The following EIF3B variants were observed in gnomAD, a reference collection of about 807,000 sequenced individuals.
EIF3B encodes eukaryotic translation initiation factor 3 subunit 9.
In EIF3B, 10 loss-of-function variants were observed where a neutral mutation model predicts 104.6. The observed-to-expected ratio is 0.10, with a 90% CI of 0.06 to 0.16. EIF3B has a LOEUF of 0.16. Among genes scored for constraint, EIF3B ranks in the 10% least tolerant of loss-of-function variants. The pLI is 1.00. For synonymous variants in EIF3B, 542 were observed against 417.2 expected (o/e 1.30, Z -3.65); for missense variants, 1,014 against 1,087.9 (o/e 0.93, Z 0.96).
intron 13 of EIF3B, chr7:2,374,911 C>A (rs1387579355): frequency 3.0e-6 from 1 of 336,340 alleles, no homozygotes; most frequent in East Asian, 4.9e-5. Flanking sequence ...CCAGTAACCT[C>A]CCCCCGGGGG....
chr7:2,378,414 T>C, intron 15 of EIF3B: 1 of 309,092 alleles, frequency 3.2e-6, no homozygotes, highest in East Asian at 6.6e-5. Flanking sequence ...ACCCTGGGTG[T>C]CATGGAGGAA....
rs1311977735 is a variant in EIF3B at position 2,364,449 on chromosome 7, A to T, written c.1077A>T (p.Leu359=). 6 of 1,613,348 alleles carry T rather than the reference A, an allele frequency of 3.7e-6. No individual in the cohort carries two copies. Among genetic ancestry groups the T allele is most frequent in the Non-Finnish European group, 5.1e-6 (6 of 1,179,672 alleles). The part of the protein sequence containing the change: ...LATFHQRGIA[L]WGGEKFKQIQ... ...CCTTTCATCAAAGAGGCATTGCTCT[A>T]TGGGGGGGAGAGAAATTCAAGCAAA... Residue 359 remains leucine (L), a synonymous_variant, in exon 6 of 19, where the codon CTA becomes CTT. Coordinates refer to ENST00000360876, the MANE Select transcript of EIF3B (RefSeq NM_001037283.2).
chr7:2,375,124 A>G, intron 13 of EIF3B: 1 of 494,742 alleles, frequency 2.0e-6, no homozygotes, highest in East Asian at 3.3e-5. Flanking sequence ...CACACTTGCT[A>G]CTGTATTTTT....
intron 1 of EIF3B, among the ~76,000 whole-genome samples, chr7:2,357,588 T>A (rs1250010946): frequency 6.6e-6 from 1 of 152,264 alleles, no homozygotes; most frequent in Non-Finnish European, 1.5e-5. Context: ...ATGTTTCAGC[T>A]GATCCAGGAT....
chr7:2,362,594 C>T (rs555746352), intron 2 of EIF3B, 51 bp from the exon 3 acceptor site: 2 of 1,609,950 alleles, frequency 1.2e-6, no homozygotes, highest in East Asian at 4.5e-5. Flanking sequence ...ACAGCGCATA[C>T]CTGCCTAGCC....
chr7:2,380,162 T>C, intron 18 of EIF3B, 42 bp from the exon 19 acceptor site: 1 of 338,846 alleles, frequency 3.0e-6, no homozygotes, highest in Non-Finnish European at 5.9e-6. Flanking sequence ...CCTCAGCCTT[T>C]TGAGGTGGTG....
At position 2,379,176 on chromosome 7, in the gene EIF3B, A is replaced by G; in HGVS notation, c.2275A>G (p.Lys759Glu). The G allele has an allele frequency of 6.2e-7, 1 of 1,613,988 alleles. No homozygotes were observed. The highest frequency in any genetic ancestry group is 8.5e-7 in the Non-Finnish European group (1 of 1,179,990). The change falls in exon 17 of 19, where the codon AAG (lysine) becomes GAG (glutamate). Residue 759 changes from lysine (K) to glutamate (E), a missense_variant. Coordinates refer to ENST00000360876, the MANE Select transcript of EIF3B (RefSeq NM_001037283.2). ...GCGCACCATGATGGAAGATTTCCGG[A>G]AGTACCGGAAAATGGCCCAGGAGCT... ...RRRTMMEDFR[K>E]YRKMAQELYM...
At chr7:2,374,436 G>A (rs1199018975) in intron 12 of EIF3B, 92 bp from the exon 13 acceptor site, 16 of 1,245,106 alleles carry the variant, frequency 1.3e-5, no homozygotes, top group Non-Finnish European at 9.3e-6. Context: ...GCCCTCATGG[G>A]CAGCATGAGC....
At chr7:2,367,254 G>C (rs575003564) in intron 9 of EIF3B, 1 of 522,800 alleles carries the variant, frequency 1.9e-6, no homozygotes. Context: ...ACAGCCCCTC[G>C]GTCCAGCCTT....
intron 16 of EIF3B, 35 bp downstream of exon 16, chr7:2,378,801 G>A: frequency 6.3e-7 from 1 of 1,579,656 alleles, no homozygotes; most frequent in East Asian, 2.2e-5. Flanking sequence ...GCTGTGCTGT[G>A]ACATCCGCCA....
At chr7:2,379,311 A>T in intron 17 of EIF3B, 69 bp downstream of exon 17, 2 of 1,552,452 alleles carry the variant, frequency 1.3e-6, no homozygotes, top group South Asian at 2.3e-5. Flanking sequence ...GTGCCCGCGG[A>T]CTCCTGCGTT....
At chr7:2,360,276 C>G (rs1401192539) in intron 1 of EIF3B, among the ~76,000 whole-genome samples, 1 of 152,172 alleles carries the variant, frequency 6.6e-6, no homozygotes, top group African/African-American at 2.4e-5. Context: ...TTGCTAAAAT[C>G]TTCTGTAAAA....
At chr7:2,356,304 A>G (rs1779433181) in intron 1 of EIF3B, among the ~76,000 whole-genome samples, 1 of 152,186 alleles carries the variant, frequency 6.6e-6, no homozygotes, top group Non-Finnish European at 1.5e-5. Flanking sequence ...TTTATGATTT[A>G]AACGTATTTT....
Position 2,379,718 on chromosome 7 carries a change from G to A in EIF3B, c.*14+207G>A, listed in dbSNP as rs115516200. On this transcript the variant is annotated intron_variant, in intron 18 of 18. Coordinates refer to ENST00000360876, the MANE Select transcript of EIF3B (RefSeq NM_001037283.2). ...TGCGCCCTCTGACCACATTGCAGAT[G>A]GCGCCTTTCAGGCAGTGCTGGGTGA... 1,824 of 552,888 alleles carry A rather than the reference G, an allele frequency of 3.3e-3. 27 individuals carry two copies. Among genetic ancestry groups the A allele is most frequent in the African/African-American group, 0.031 (1,634 of 52,844 alleles). The allele number at this position is 552,888 out of a possible 1,614,324, so 34.2% of individuals were successfully genotyped here.
At chr7:2,368,236 A>G (rs912880237) in intron 9 of EIF3B, among the ~76,000 whole-genome samples, 6 of 152,078 alleles carry the variant, frequency 3.9e-5, no homozygotes, top group African/African-American at 1.4e-4. Flanking sequence ...TTCACCTCCC[A>G]GGTTCAAACG....
intron 9 of EIF3B, 30 bp downstream of exon 9, chr7:2,367,075 G>C: frequency 6.5e-7 from 1 of 1,536,516 alleles, no homozygotes; most frequent in East Asian, 2.3e-5. Flanking sequence ...TGGTGTCTTA[G>C]TGTGTTCAGG....
rs1311582433 is a variant in EIF3B, at chr7:2,369,652, G to C, written c.1584G>C (p.Val528=). The C allele has an allele frequency of 3.1e-6, 5 of 1,612,800 alleles. No individual in the cohort carries two copies. Among genetic ancestry groups the C allele is most frequent in the Non-Finnish European group, 4.2e-6 (5 of 1,179,158 alleles). The change falls in exon 10 of 19, where the codon GTG becomes GTC. Residue 528 remains valine, a synonymous_variant. Coordinates refer to ENST00000360876, the MANE Select transcript of EIF3B (RefSeq NM_001037283.2). ...HWQKNGDYLC[V]KVDRTPKGTQ... ...AGAAGAACGGAGACTACTTGTGTGT[G>C]AAAGTAGATAGGACTCCGAAAGGCA... is the stretch of plus-strand genomic sequence containing the variant.
intron 4 of EIF3B, 142 bp from the exon 5 acceptor site, chr7:2,363,490 G>T: frequency 1.3e-6 from 1 of 748,816 alleles, no homozygotes; most frequent in Non-Finnish European, 2.1e-6. Flanking sequence ...AGAAATGCTA[G>T]ACGGTGTCTT....
chr7:2,356,946 C>CCTGAGGAAA (rs1779480632), intron 1 of EIF3B, among the ~76,000 whole-genome samples: 1 of 152,092 alleles, frequency 6.6e-6, no homozygotes, highest in East Asian at 1.9e-4. Flanking sequence ...GCCCCTCAGT[C>CCTGAGGAAA]CTGAGGAAAC....
Sources: gnomAD v4.1 joint callset for allele counts (sites outside exome capture counted in the v4.1 genomes callset) on GRCh38, gnomAD v4.1.1 for gene constraint, MANE v1.5 for transcripts, NCBI Gene and HGNC (gene_info 2026-07-23, HGNC 2026-07-21) for gene names.